The following DSTYK variants were observed in gnomAD, a reference collection of about 807,000 sequenced individuals.
DSTYK encodes the protein dual serine/threonine and tyrosine protein kinase, also known as RIP-homologous kinase.
Under a neutral mutation model 98.7 loss-of-function variants are expected in DSTYK, and 34 were observed. The ratio of observed to expected loss-of-function variants is 0.34; its 90% CI spans 0.26 to 0.46. DSTYK has a LOEUF of 0.46. Among genes scored for constraint, DSTYK ranks in the 20% least tolerant of loss-of-function variants. DSTYK has a pLI of 1.00. For missense variants in DSTYK, 962 were observed against 1,181.7 expected, an observed-to-expected ratio of 0.81 and a Z score of 2.73; for synonymous variants, 462 against 457.3, an observed-to-expected ratio of 1.01 and a Z score of -0.13.
chr1:205,191,501 G>A (rs533520716), intron 1 of DSTYK, among the ~76,000 whole-genome samples: 1 of 152,184 alleles, frequency 6.6e-6, no homozygotes, highest in Non-Finnish European at 1.5e-5. Context: ...TAAATGGAGG[G>A]GGGTGGAGTT....
intron 10 of DSTYK, among the ~76,000 whole-genome samples, chr1:205,152,457 G>A (rs185471000): frequency 1.2e-4 from 19 of 152,314 alleles, no homozygotes; most frequent in Middle Eastern, 3.4e-3. Flanking sequence ...GATTACAGGC[G>A]TAAGCCACTG....
intron 11 of DSTYK, 69 bp from the exon 12 acceptor site, chr1:205,148,408 C>T (rs1460671950): frequency 1.9e-6 from 3 of 1,593,676 alleles, no homozygotes; most frequent in South Asian, 1.1e-5. Flanking sequence ...CACCACCTTG[C>T]CTCAGTAGAG....
intron 1 of DSTYK, among the ~76,000 whole-genome samples, chr1:205,208,748 T>C (rs1659279234): frequency 6.6e-6 from 1 of 152,200 alleles, no homozygotes. Flanking sequence ...AGTCTCTGAA[T>C]AACTTGACCT....
chr1:205,159,685 G>A lies in DSTYK; in HGVS notation c.2106-6C>T. 1.2e-6 allele frequency: 2 copies of A among 1,613,048 alleles called. No homozygotes were observed. The highest frequency in any genetic ancestry group is 1.7e-6 in the Non-Finnish European group (2 of 1,179,960). ...GCTCATGCTTCGGCAGAGACCTGGAGGGAAGGAGAGAGATCTGGGCTACAA... is the reference window on the plus strand; with the variant it reads ...GCTCATGCTTCGGCAGAGACCTGGAAGGAAGGAGAGAGATCTGGGCTACAA... On this transcript the variant is annotated splice_polypyrimidine_tract_variant and splice_region_variant and intron_variant, in intron 8 of 12. Transcript: ENST00000367162.
chr1:205,172,166 G>A (rs372505552), intron 2 of DSTYK, among the ~76,000 whole-genome samples: 38 of 152,116 alleles, frequency 2.5e-4, no homozygotes, highest in African/African-American at 7.0e-4. Flanking sequence ...CATGTTGGCC[G>A]GGCTGGTCTT....
At chr1:205,187,875 G>A in intron 1 of DSTYK, 69 bp from the exon 2 acceptor site, 1 of 1,389,630 alleles carries the variant, frequency 7.2e-7, no homozygotes, top group Non-Finnish European at 9.7e-7. Context: ...AGGGGAGAGA[G>A]AGAGACTCAC....
chr1:205,190,759 C>T (rs1319580093), intron 1 of DSTYK, among the ~76,000 whole-genome samples: 1 of 152,108 alleles, frequency 6.6e-6, no homozygotes, highest in African/African-American at 2.4e-5. Flanking sequence ...TTCTTCTATT[C>T]CCTGTCCTCC....
chr1:205,188,423 C>T (rs1393831602), intron 1 of DSTYK, among the ~76,000 whole-genome samples: 1 of 152,058 alleles, frequency 6.6e-6, no homozygotes, highest in Non-Finnish European at 1.5e-5. Context: ...TAGGGTGTAG[C>T]CTATTGTTCC....
Position 205,188,949 on chromosome 1 carries a change from A to G in DSTYK, c.266-1143T>C, listed in dbSNP as rs998424001. 5.9e-5 allele frequency among the ~76,000 whole-genome samples: 9 copies of G among 152,300 alleles called. No homozygotes were observed. The South Asian group carries it at 1.9e-3, about 32-fold the overall frequency. ...AGGATAAAATCCAGGCAAATCTAGA[A>G]AGAGATGTGATTTATTTCAAAAACA... On this transcript the variant is annotated intron_variant, in intron 1 of 12. Transcript: ENST00000367162.
Position 205,157,255 on chromosome 1 carries a change from G to A in DSTYK, c.2352+18C>T. On this transcript the variant is annotated intron_variant, in intron 10 of 12. Transcript: ENST00000367162. ...CACAGAGGTAGGGTATAATCTTGGGGAAACAGCTTTTACTTACCAGCACAT... is the reference window on the plus strand; with the variant it reads ...CACAGAGGTAGGGTATAATCTTGGGAAAACAGCTTTTACTTACCAGCACAT... 1 of 1,606,898 alleles carries A rather than the reference G, an allele frequency of 6.2e-7. No homozygotes were observed. Among genetic ancestry groups the A allele is most frequent in the South Asian group, 1.1e-5 (1 of 90,904 alleles).
rs1459576603 is a variant in DSTYK at position 205,159,530 on chromosome 1, T to C, written c.2238+17A>G. On this transcript the variant is annotated intron_variant, in intron 9 of 12. Transcript: ENST00000367162. Reference sequence around the variant, plus strand: ...CCCGTGGATTTGGCTGCCAGCTGGATCTTGCTCTCTCCTTACCTTCAGCCC... The same window carrying C: ...CCCGTGGATTTGGCTGCCAGCTGGACCTTGCTCTCTCCTTACCTTCAGCCC... The C allele has an allele frequency of 1.2e-6, 2 of 1,603,562 alleles. No individual in the cohort carries two copies. Among genetic ancestry groups the C allele is most frequent in the East Asian group, 2.2e-5 (1 of 44,602 alleles).
chr1:205,162,960 G>A lies in DSTYK; in HGVS notation c.1604C>T (p.Ser535Leu), dbSNP rs749217494. ...YHVEVTFHSG[S>L]SVTRMLWEQI... ...CTCCCATAGCATCCTTGTAACTGAC[G>A]ACCCTGAGTGAAACGTGACTTCAAC... is the stretch of plus-strand genomic sequence containing the variant. Residue 535 changes from serine (S) to leucine (L), a missense_variant, in exon 5 of 13, where the codon TCG becomes TTG. Around this residue, in one of 4 missense-constraint regions of DSTYK, gnomAD observed 660 missense variants for 855.0 expected, o/e 0.77. Coordinates refer to ENST00000367162, the MANE Select transcript of DSTYK (RefSeq NM_015375.3). 3.7e-6 allele frequency: 6 copies of A among 1,614,030 alleles called. No homozygotes were observed. In the South Asian group the frequency reaches 4.4e-5, roughly 12 times the overall value.
intron 10 of DSTYK, among the ~76,000 whole-genome samples, chr1:205,156,057 A>C (rs1007572843): frequency 2.0e-5 from 3 of 152,246 alleles, no homozygotes; most frequent in African/African-American, 7.2e-5. Context: ...ATAGAAATCA[A>C]GAATTGTGGT....
chr1:205,168,890 C>T (rs1391336782), intron 3 of DSTYK, among the ~76,000 whole-genome samples: 1 of 152,110 alleles, frequency 6.6e-6, no homozygotes, highest in Non-Finnish European at 1.5e-5. Context: ...GGGGTACAGG[C>T]AGAAAGTGGA....
At chr1:205,197,096 A>T (rs756760693) in intron 1 of DSTYK, among the ~76,000 whole-genome samples, 4 of 151,770 alleles carry the variant, frequency 2.6e-5, no homozygotes, top group Non-Finnish European at 4.4e-5. Flanking sequence ...TGGAGAAAAC[A>T]TCTCCAGGGA....
At chr1:205,151,669 T>C (rs1366704480) in intron 10 of DSTYK, among the ~76,000 whole-genome samples, 1 of 150,736 alleles carries the variant, frequency 6.6e-6, no homozygotes, top group African/African-American at 2.4e-5. Flanking sequence ...TCTTTCTCTG[T>C]TGTCCAGGCT....
Position 205,211,303 on chromosome 1 carries a change from G to A in DSTYK, c.233C>T (p.Ala78Val), listed in dbSNP as rs780798212. The A allele has an allele frequency of 4.4e-6, 7 of 1,608,426 alleles. No individual in the cohort carries two copies. The highest frequency in any genetic ancestry group is 1.3e-5 in the African/African-American group (1 of 74,338). ...TGGGGAERGP[A>V]GDVAETGLQA... Reference sequence around the variant, plus strand: ...CAGCCCGGTTTCGGCGACATCGCCTGCAGGGCCGCGCTCGGCCCCGCCGCC... The same window carrying A: ...CAGCCCGGTTTCGGCGACATCGCCTACAGGGCCGCGCTCGGCCCCGCCGCC... Residue 78 changes from alanine (A) to valine (V), a missense_variant, in exon 1 of 13, where the codon GCA (alanine) becomes GTA (valine). Coordinates refer to ENST00000367162, the MANE Select transcript of DSTYK (RefSeq NM_015375.3).
rs368765959 is a variant in DSTYK, at chr1:205,156,304, G to A, written c.2352+969C>T. On this transcript the variant is annotated intron_variant, in intron 10 of 12. Transcript: ENST00000367162. ...GGTAGATCCACACACAACTTGCACCGTGTGCCTAGAAAAGCCACAGACACT... is the reference window on the plus strand; with the variant it reads ...GGTAGATCCACACACAACTTGCACCATGTGCCTAGAAAAGCCACAGACACT... 6.2e-4 allele frequency among the ~76,000 whole-genome samples: 95 copies of A among 152,252 alleles called. 1 individual carries two copies. Among genetic ancestry groups the A allele is most frequent in the African/African-American group, 2.1e-3 (87 of 41,544 alleles).
rs552065696 is a variant in DSTYK at position 205,184,468 on chromosome 1, A to T, written c.654+2950T>A. The stretch of plus-strand genomic sequence containing the variant: ...GCGCCTATAATCCCAGCTACTTGGG[A>T]GGCTAAGGAAAGAGAATCGCTTGAA... On this transcript the variant is annotated intron_variant, in intron 2 of 12. Coordinates refer to ENST00000367162, the MANE Select transcript of DSTYK (RefSeq NM_015375.3). 2.0e-5 allele frequency among the ~76,000 whole-genome samples: 3 copies of T among 152,088 alleles called. No homozygotes were observed. In the East Asian group the frequency reaches 5.8e-4, roughly 29 times the overall value.
Sources: gnomAD v4.1 joint callset for allele counts (sites outside exome capture counted in the v4.1 genomes callset) on GRCh38, gnomAD v4.1.1 for gene constraint, gnomAD v4.1.1 regional missense constraint, MANE v1.5 for transcripts, NCBI Gene and HGNC (gene_info 2026-07-23, HGNC 2026-07-21) for gene names.